The following TENM4 variants were observed in gnomAD, a reference collection of about 807,000 sequenced individuals.
The protein encoded by TENM4 is teneurin transmembrane protein 4, also known as teneurin-4.
In TENM4, 82 loss-of-function variants were observed where a neutral mutation model predicts 243.3. That is an observed-to-expected ratio of 0.34 (90% CI 0.28 to 0.40). The LOEUF (loss-of-function observed/expected upper bound fraction) is 0.40, where lower values mean the gene tolerates loss of function less well. Among genes scored for constraint, TENM4 ranks in the 10% least tolerant of loss-of-function variants. The probability of loss-of-function intolerance (pLI) is 1.00; values close to 1 mark genes in which losing one functional copy is unlikely to be tolerated. For missense variants in TENM4, 3,138 were observed against 3,673.3 expected (o/e 0.85, Z 3.77); for synonymous variants, 1,412 against 1,456.3 (o/e 0.97, Z 0.69).
chr11:79,392,041 A>T (rs544252155), intron 1 of TENM4, among the ~76,000 whole-genome samples: 1 of 152,230 alleles, frequency 6.6e-6, no homozygotes, highest in African/African-American at 2.4e-5. Flanking sequence ...TACAGAAAAC[A>T]TTTACTTATA....
intron 1 of TENM4, among the ~76,000 whole-genome samples, chr11:79,329,336 G>A (rs1857024465): frequency 6.6e-6 from 1 of 152,170 alleles, no homozygotes; most frequent in Admixed American, 6.5e-5. Flanking sequence ...GGCCTTTGCT[G>A]GGAACATCTT....
chr11:79,352,276 C>A (rs1196494995), intron 1 of TENM4, among the ~76,000 whole-genome samples: 1 of 152,180 alleles, frequency 6.6e-6, no homozygotes, highest in African/African-American at 2.4e-5. Flanking sequence ...TTAGGGGTGA[C>A]CCTGACTGCC....
chr11:79,180,327 C>T (rs1379597330), intron 3 of TENM4, among the ~76,000 whole-genome samples: 1 of 151,582 alleles, frequency 6.6e-6, no homozygotes, highest in Non-Finnish European at 1.5e-5. Context: ...ACAGTCAAAG[C>T]CTGGAATTAG....
intron 3 of TENM4, among the ~76,000 whole-genome samples, chr11:79,155,085 C>T (rs868023318): frequency 2.0e-5 from 3 of 152,252 alleles, no homozygotes; most frequent in African/African-American, 7.2e-5. Flanking sequence ...GTACTGTTTG[C>T]TACCAGGACC....
At chr11:79,036,496 T>C (rs1446404819) in intron 6 of TENM4, among the ~76,000 whole-genome samples, 1 of 152,204 alleles carries the variant, frequency 6.6e-6, no homozygotes, top group Non-Finnish European at 1.5e-5. Flanking sequence ...GCAGACATCA[T>C]GACCAGTGTA....
intron 2 of TENM4, among the ~76,000 whole-genome samples, chr11:79,248,647 C>G: frequency 6.6e-6 from 1 of 152,222 alleles, no homozygotes; most frequent in Non-Finnish European, 1.5e-5. Flanking sequence ...AAACCATACA[C>G]ACCTTTCTGC....
At chr11:79,251,652 G>A (rs1855613282) in intron 2 of TENM4, among the ~76,000 whole-genome samples, 1 of 152,028 alleles carries the variant, frequency 6.6e-6, no homozygotes, top group Non-Finnish European at 1.5e-5. Context: ...TACCAGCAGA[G>A]CAACAAGAAG....
At chr11:79,257,194 C>T (rs1855715183) in intron 2 of TENM4, among the ~76,000 whole-genome samples, 1 of 152,108 alleles carries the variant, frequency 6.6e-6, no homozygotes, top group African/African-American at 2.4e-5. Flanking sequence ...GGAACTAGGC[C>T]TCAAGTATCA....
intron 9 of TENM4, among the ~76,000 whole-genome samples, chr11:78,878,220 C>G (rs935252404): frequency 6.6e-6 from 1 of 152,176 alleles, no homozygotes. Context: ...ATCCTGCCCT[C>G]CTTTCTTTCC....
Position 79,111,446 on chromosome 11 carries a change from G to T in TENM4, c.-66+37264C>A, listed in dbSNP as rs553717152. 4.9e-4 allele frequency among the ~76,000 whole-genome samples: 75 copies of T among 152,292 alleles called. 1 individual carries two copies. The highest frequency in any genetic ancestry group is 1.6e-3 in the African/African-American group (67 of 41,566). On this transcript the variant is annotated intron_variant, in intron 4 of 33. Transcript: ENST00000278550. ...TGTAGTCTCAGCTACTTGGGAGGCTGAGGCAGGAGAATGGTGTGAACCCGG... is the reference window on the plus strand; with the variant it reads ...TGTAGTCTCAGCTACTTGGGAGGCTTAGGCAGGAGAATGGTGTGAACCCGG...
At chr11:78,726,360 G>A (rs749239236) in intron 22 of TENM4, 138 bp from the exon 23 acceptor site, 7 of 1,007,646 alleles carry the variant, frequency 6.9e-6, no homozygotes, top group Admixed American at 2.7e-5. Flanking sequence ...CAACCAGAAC[G>A]ATGTGAAACA....
In TENM4 at chr11:79,231,252, A is replaced by T. The variant is rs188946810; in HGVS notation, c.-264-15343T>A. On this transcript the variant is annotated intron_variant, in intron 2 of 33. Transcript: ENST00000278550. ...TTCAGGACCACAGCAAATAAATTGC[A>T]AACAGACATGGCTGGGTTATTCAAG... is the stretch of plus-strand genomic sequence containing the variant. Among the ~76,000 whole-genome samples, 30 of 152,374 alleles carry T rather than the reference A, an allele frequency of 2.0e-4. 1 individual carries two copies. In the East Asian group the frequency reaches 5.4e-3, roughly 27 times the overall value.
intron 6 of TENM4, among the ~76,000 whole-genome samples, chr11:78,944,854 T>C (rs1479320220): frequency 2.0e-5 from 3 of 152,250 alleles, no homozygotes; most frequent in Non-Finnish European, 4.4e-5. Context: ...AATGGATTAC[T>C]AATCTGTCTG....
chr11:78,687,953 C>T, intron 29 of TENM4, 101 bp downstream of exon 29: 2 of 1,396,360 alleles, frequency 1.4e-6, no homozygotes, highest in Non-Finnish European at 2.0e-6. Context: ...CTTTCCTGTT[C>T]TTGGGCAGCT....
intron 7 of TENM4, among the ~76,000 whole-genome samples, chr11:78,901,698 G>A (rs1267936244): frequency 6.6e-6 from 1 of 152,076 alleles, no homozygotes; most frequent in Non-Finnish European, 1.5e-5. Flanking sequence ...GAGCACATTG[G>A]AAATAATGGA....
intron 4 of TENM4, among the ~76,000 whole-genome samples, chr11:79,145,505 C>A (rs1207030676): frequency 6.6e-6 from 1 of 152,082 alleles, no homozygotes; most frequent in African/African-American, 2.4e-5. Flanking sequence ...TTTGTGCCTG[C>A]TTCTTTCTTT....
chr11:79,270,259 C>T (rs2135343811), intron 2 of TENM4, among the ~76,000 whole-genome samples: 1 of 152,282 alleles, frequency 6.6e-6, no homozygotes, highest in Non-Finnish European at 1.5e-5. Flanking sequence ...GCACTTAGCA[C>T]TTATGGGTGT....
At chr11:78,976,256 A>G (rs1857652545) in intron 6 of TENM4, among the ~76,000 whole-genome samples, 1 of 152,188 alleles carries the variant, frequency 6.6e-6, no homozygotes, top group Non-Finnish European at 1.5e-5. Flanking sequence ...CTCCTTCCAT[A>G]GCATCTTAGA....
At chr11:79,275,982 A>T (rs1445482515) in intron 2 of TENM4, among the ~76,000 whole-genome samples, 1 of 152,244 alleles carries the variant, frequency 6.6e-6, no homozygotes, top group Non-Finnish European at 1.5e-5. Flanking sequence ...GGTAGAGCAC[A>T]CATGCTTTTC....
Sources: gnomAD v4.1 joint callset for allele counts (sites outside exome capture counted in the v4.1 genomes callset) on GRCh38, gnomAD v4.1.1 for gene constraint, MANE v1.5 for transcripts, NCBI Gene and HGNC (gene_info 2026-07-23, HGNC 2026-07-21) for gene names.